Variants in DPH6 observed in about 807,000 individuals in gnomAD.
DPH6 encodes diphthine--ammonia ligase.
In DPH6, 33 loss-of-function variants were observed where a neutral mutation model predicts 38.2. The observed-to-expected ratio is 0.86, with a 90% CI of 0.65 to 1.15. The LOEUF is 1.15. DPH6 is among the 50% of genes most tolerant of loss of function. The pLI, the probability that DPH6 is intolerant of heterozygous loss-of-function variation, is 0.00. For synonymous variants in DPH6, 108 were observed against 103.0 expected, an observed-to-expected ratio of 1.05 and a Z score of -0.30; for missense variants, 325 against 320.0, an observed-to-expected ratio of 1.02 and a Z score of -0.12.
intron 3 of DPH6, among the ~76,000 whole-genome samples, chr15:35,293,691 A>G (rs1220306987): frequency 6.6e-6 from 1 of 152,216 alleles, no homozygotes; most frequent in Non-Finnish European, 1.5e-5. Flanking sequence ...GCAAGGGGGA[A>G]AAATTGCTTC....
intron 3 of DPH6, among the ~76,000 whole-genome samples, chr15:35,221,702 T>C (rs185429513): frequency 3.2e-4 from 48 of 152,320 alleles, no homozygotes; most frequent in Non-Finnish European, 5.9e-4. Context: ...ACTAATCCCA[T>C]TATCAAAGGG....
At chr15:35,225,964 T>C (rs1566843653) in intron 3 of DPH6, among the ~76,000 whole-genome samples, 1 of 152,188 alleles carries the variant, frequency 6.6e-6, no homozygotes, top group Admixed American at 6.5e-5. Context: ...AAATGATTTA[T>C]TGCTGGGCAT....
At chr15:35,497,887 T>C (rs2054577556) in intron 3 of DPH6, among the ~76,000 whole-genome samples, 1 of 152,200 alleles carries the variant, frequency 6.6e-6, no homozygotes, top group East Asian at 1.9e-4. Flanking sequence ...TACAAAAGTT[T>C]AGAAACACCA....
chr15:35,458,787 G>T (rs2054027701), intron 3 of DPH6, among the ~76,000 whole-genome samples: 1 of 152,088 alleles, frequency 6.6e-6, no homozygotes, highest in African/African-American at 2.4e-5. Flanking sequence ...ACTCAACTGA[G>T]GTATAATCAT....
intron 5 of DPH6, among the ~76,000 whole-genome samples, chr15:35,443,157 C>T (rs958909815): frequency 6.6e-6 from 1 of 152,026 alleles, no homozygotes; most frequent in Non-Finnish European, 1.5e-5. Flanking sequence ...AAAGCACATA[C>T]AAAAAATTCT....
At chr15:35,277,496 G>C (rs968411525) in intron 3 of DPH6, among the ~76,000 whole-genome samples, 1 of 152,144 alleles carries the variant, frequency 6.6e-6, no homozygotes, top group African/African-American at 2.4e-5. Flanking sequence ...ATTGGTACCA[G>C]GAGTGGGGTA....
intron 3 of DPH6, among the ~76,000 whole-genome samples, chr15:35,267,669 C>A (rs1456828556): frequency 6.6e-6 from 1 of 152,150 alleles, no homozygotes; most frequent in Non-Finnish European, 1.5e-5. Flanking sequence ...TTTCAGACAC[C>A]TTGTTAATGT....
intron 3 of DPH6, among the ~76,000 whole-genome samples, chr15:35,465,495 T>G (rs1180757277): frequency 1.3e-5 from 2 of 152,154 alleles, no homozygotes; most frequent in Non-Finnish European, 2.9e-5. Context: ...AAACTTCAAA[T>G]TTTTCACTTT....
At chr15:35,226,082 C>T (rs951562935) in intron 3 of DPH6, among the ~76,000 whole-genome samples, 1 of 151,958 alleles carries the variant, frequency 6.6e-6, no homozygotes, top group Non-Finnish European at 1.5e-5. Flanking sequence ...TGTGAATAGT[C>T]ACTGCACTCC....
At chr15:35,352,725 G>T (rs1457464883) in intron 3 of DPH6, among the ~76,000 whole-genome samples, 1 of 152,128 alleles carries the variant, frequency 6.6e-6, no homozygotes, top group Non-Finnish European at 1.5e-5. Flanking sequence ...ATTGTGAATA[G>T]TGCCACAATA....
intron 5 of DPH6, among the ~76,000 whole-genome samples, chr15:35,446,097 A>G (rs1446223190): frequency 9.9e-5 from 15 of 152,202 alleles, no homozygotes; most frequent in African/African-American, 3.6e-4. Context: ...GATGTTCTGT[A>G]GATCAAGATC....
intron 6 of DPH6, 77 bp downstream of exon 6, chr15:35,410,758 T>C: frequency 8.1e-7 from 1 of 1,233,140 alleles, no homozygotes; most frequent in South Asian, 1.6e-5. Context: ...AAGTAAATTT[T>C]TTAATCATTG....
intron 3 of DPH6, chr15:35,298,420 A>C: frequency 2.7e-6 from 2 of 744,522 alleles, no homozygotes; most frequent in Non-Finnish European, 5.0e-6. Context: ...GGGGCACCAG[A>C]ATTTCAAACA....
chr15:35,424,028 T>A (rs1163225700), intron 5 of DPH6, among the ~76,000 whole-genome samples: 1 of 151,586 alleles, frequency 6.6e-6, no homozygotes, highest in Non-Finnish European at 1.5e-5. Flanking sequence ...TCCTAAAGAT[T>A]AATTTGGCTA....
At chr15:35,429,287 C>T (rs893331343) in intron 5 of DPH6, among the ~76,000 whole-genome samples, 14 of 152,132 alleles carry the variant, frequency 9.2e-5, no homozygotes, top group Admixed American at 2.0e-4. Context: ...AGCAATATCT[C>T]TCCCATTTGA....
At chr15:35,471,352 A>C (rs1246531221) in intron 3 of DPH6, among the ~76,000 whole-genome samples, 1 of 152,154 alleles carries the variant, frequency 6.6e-6, no homozygotes, top group Admixed American at 6.5e-5. Flanking sequence ...CTAAAAATCA[A>C]GCATTTTCAC....
chr15:35,333,891 T>C (rs1178533878), intron 3 of DPH6, among the ~76,000 whole-genome samples: 1 of 152,142 alleles, frequency 6.6e-6, no homozygotes. Flanking sequence ...CCATTAGTGA[T>C]AGACTGGATA....
the DPH6 span, among the ~76,000 whole-genome samples, chr15:35,196,454 C>A: frequency 6.6e-6 from 1 of 152,170 alleles, no homozygotes; most frequent in Admixed American, 6.5e-5. Context: ...CTGCTTCCTG[C>A]CTCAGCTGTT....
chr15:35,279,064 A>ATATATATATATAT (rs1334725926), intron 3 of DPH6, among the ~76,000 whole-genome samples: 1 of 124,034 alleles, frequency 8.1e-6, no homozygotes, highest in African/African-American at 3.6e-5. Flanking sequence ...AAAAAAAAAA[A>ATATATATATATAT]AAAAATATAT....
Sources: gnomAD v4.1 joint callset for allele counts (sites outside exome capture counted in the v4.1 genomes callset) on GRCh38, gnomAD v4.1.1 for gene constraint, MANE v1.5 for transcripts, NCBI Gene and HGNC (gene_info 2026-07-23, HGNC 2026-07-21) for gene names.